Variants in IDH2 observed in about 807,000 individuals in gnomAD.
IDH2 encodes isocitrate dehydrogenase (NADP(+)) 2, also known as isocitrate dehydrogenase [NADP], mitochondrial.
A neutral mutation model predicts 50.5 loss-of-function variants in IDH2; 18 were observed. The observed-to-expected ratio is 0.36, with a 90% confidence interval of 0.25 to 0.53. The LOEUF (loss-of-function observed/expected upper bound fraction) is 0.53, where lower values mean the gene tolerates loss of function less well. IDH2 is among the 20% of genes least tolerant of loss of function. The pLI is 0.92. For synonymous variants in IDH2, 280 were observed against 239.8 expected (o/e 1.17, Z -1.55); for missense variants, 518 against 610.7 (o/e 0.85, Z 1.60).
chr15:90,102,307 G>C lies in IDH2; in HGVS notation c.84C>G (p.Ala28=). The change falls in exon 1 of 11, where the codon GCC becomes GCG. Residue 28 remains alanine (A), a synonymous_variant. Coordinates refer to ENST00000330062, the MANE Select transcript of IDH2 (RefSeq NM_002168.4). ...RPAWAPAALT[A]PTSQEQPRRH... ...GCCGCGGCTGCTCTTGCGAGGTGGG[G>C]GCTGTCAGGGCCGCCGGCGCCCAGG... The C allele has an allele frequency of 7.4e-7, 1 of 1,354,950 alleles. No individual in the cohort carries two copies. Among genetic ancestry groups the C allele is most frequent in the Non-Finnish European group, 9.6e-7 (1 of 1,042,768 alleles). 83.9% of individuals were successfully genotyped at this position (1,354,950 alleles called of 1,614,324 possible).
chr15:90,095,148 G>C (rs1431570884), intron 1 of IDH2, among the ~76,000 whole-genome samples: 1 of 151,806 alleles, frequency 6.6e-6, no homozygotes, highest in Admixed American at 6.6e-5. Flanking sequence ...GTCTGCATCA[G>C]AGGCAAGATA....
In IDH2 at chr15:90,087,130, A is replaced by G; in HGVS notation, c.949T>C (p.Ser317Pro). The change falls in exon 7 of 11, where the codon TCA (serine) becomes CCA (proline). Residue 317 changes from serine to proline, a missense_variant. Around this residue, in one of 5 missense-constraint regions of IDH2, gnomAD observed 23 missense variants for 57.9 expected, o/e 0.40. Transcript: ENST00000330062. ...ACKNYDGDVQ[S>P]DILAQGFGSL... ...AGCGTACCCTGGGCCAGGATGTCTG[A>G]CTGCACATCTCCGTCATAGTTCTTG... 1 of 1,614,166 alleles carries G rather than the reference A, an allele frequency of 6.2e-7. No individual in the cohort carries two copies. Among genetic ancestry groups the G allele is most frequent in the Non-Finnish European group, 8.5e-7 (1 of 1,180,026 alleles).
At chr15:90,089,467 A>G (rs1376119010) in intron 3 of IDH2, among the ~76,000 whole-genome samples, 1 of 152,042 alleles carries the variant, frequency 6.6e-6, no homozygotes, top group Non-Finnish European at 1.5e-5. Context: ...CCCACTCCAC[A>G]TGCTCCGGTC....
Position 90,098,531 on chromosome 15 carries a change from C to CATGTATGTATGCATGCATGT in IDH2, c.115+3744_115+3745insACATGCATGCATACATACAT, listed in dbSNP as rs1555462243. On this transcript the variant is annotated intron_variant, in intron 1 of 10. Transcript: ENST00000330062. The surrounding 1 kb of genome is among the most constrained non-coding windows in gnomAD (Gnocchi z 5.1). ...GTATGTATGTATGTATGTATGCATGCATGTATGTATGTATGTATGTATGTA... is the reference window on the plus strand; with the variant it reads ...GTATGTATGTATGTATGTATGCATGCATGTATGTATGCATGCATGTATGTATGTATGTATGTATGTATGTA... Among the ~76,000 whole-genome samples the CATGTATGTATGCATGCATGT allele has an allele frequency of 5.7e-4, 79 of 138,466 alleles. 1 individual carries two copies. Among genetic ancestry groups the CATGTATGTATGCATGCATGT allele is most frequent in the Middle Eastern group, 3.5e-3 (1 of 286 alleles). 90.8% of individuals were successfully genotyped at this position (138,466 alleles called of 152,430 possible).
chr15:90,086,217 G>A (rs1358912919), intron 7 of IDH2, among the ~76,000 whole-genome samples: 2 of 152,060 alleles, frequency 1.3e-5, no homozygotes, highest in Admixed American at 6.6e-5. Context: ...ATCAGAACCC[G>A]TCCTGGGCTT....
chr15:90,086,858 G>T (rs982538399), intron 7 of IDH2, among the ~76,000 whole-genome samples: 8 of 152,230 alleles, frequency 5.3e-5, no homozygotes, highest in African/African-American at 9.6e-5. Flanking sequence ...CAACCTTAGG[G>T]CTGTCAACCT....
chr15:90,096,893 G>A (rs926439735), intron 1 of IDH2, among the ~76,000 whole-genome samples: 5 of 151,330 alleles, frequency 3.3e-5, no homozygotes, highest in Non-Finnish European at 7.4e-5. Flanking sequence ...CAGCATGGGC[G>A]AAAGAGAGCA....
intron 3 of IDH2, among the ~76,000 whole-genome samples, chr15:90,089,604 T>C (rs1386531666): frequency 3.9e-5 from 6 of 152,212 alleles, no homozygotes; most frequent in African/African-American, 1.4e-4. Context: ...CCCAGTGCTG[T>C]GGGTCAGGCA....
chr15:90,096,650 C>A (rs753118154), intron 1 of IDH2, among the ~76,000 whole-genome samples: 2 of 152,114 alleles, frequency 1.3e-5, no homozygotes, highest in African/African-American at 4.8e-5. Context: ...CACGGTGGCT[C>A]GCACCTGTAA....
In IDH2 at chr15:90,084,666, G is replaced by C. The variant is rs1216249281; in HGVS notation, c.1271+150C>G. 6.7e-6 allele frequency: 5 copies of C among 744,880 alleles called. No individual in the cohort carries two copies. In the Admixed American group the frequency reaches 9.6e-5, roughly 14 times the overall value. The allele number at this position is 744,880 out of a possible 1,614,324, so 46.1% of individuals were successfully genotyped here. On this transcript the variant is annotated intron_variant, in intron 10 of 10. Transcript: ENST00000330062. This position sits in a 1 kb window ranked among gnomAD's most constrained non-coding sequence, Gnocchi z 5.0. ...GAACTCACTAGACCTGGTCTACAGA[G>C]GCTGGCCTGAGCAGTCTCTCAGGGC...
Position 90,098,317 on chromosome 15 carries a change from C to T in IDH2, c.115+3959G>A, listed in dbSNP as rs528974029. 6.6e-6 allele frequency among the ~76,000 whole-genome samples: 1 copy of T among 152,276 alleles called. No homozygotes were observed. Among genetic ancestry groups the T allele is most frequent in the Non-Finnish European group, 1.5e-5 (1 of 68,024 alleles). ...ACACATCCCTGGCTTCTTGCTGCTC[C>T]CAGCAGGAGGCTAGAGGTCCAGCCG... On this transcript the variant is annotated intron_variant, in intron 1 of 10. Transcript: ENST00000330062. The surrounding 1 kb of genome is among the most constrained non-coding windows in gnomAD (Gnocchi z 5.1).
chr15:90,084,255 G>A lies in IDH2; in HGVS notation c.*11C>T, dbSNP rs1191885000. On this transcript the variant is annotated 3_prime_UTR_variant, in exon 11 of 11. Coordinates refer to ENST00000330062, the MANE Select transcript of IDH2 (RefSeq NM_002168.4). This position sits in a 1 kb window ranked among gnomAD's most constrained non-coding sequence, Gnocchi z 5.0. ...TGGCCCCTCCACTGCAGCCATGGGT[G>A]GCGCCTCCCCCTACTGCCTGCCCAG... The A allele has an allele frequency of 1.9e-6, 3 of 1,612,582 alleles. No homozygotes were observed. In the Admixed American group the frequency reaches 5.0e-5, roughly 27 times the overall value.
chr15:90,084,320 C>T lies in IDH2; in HGVS notation c.1305G>A (p.Thr435=), dbSNP rs764864079. ...TGCTCTTGATGGTGTCGAGGAAGTC[C>T]GTGGTGTTCAGGAAGTGCTCGTTCA... The part of the protein sequence containing the change: ...VKLNEHFLNT[T]DFLDTIKSNL... Residue 435 remains threonine, a synonymous_variant, in exon 11 of 11, where the codon ACG becomes ACA. Transcript: ENST00000330062. The surrounding 1 kb of genome is among the most constrained non-coding windows in gnomAD (Gnocchi z 5.0). 12 of 1,614,098 alleles carry T rather than the reference C, an allele frequency of 7.4e-6. No individual in the cohort carries two copies. Among genetic ancestry groups the T allele is most frequent in the Admixed American group, 3.3e-5 (2 of 60,020 alleles).
intron 1 of IDH2, 144 bp from the exon 2 acceptor site, chr15:90,091,788 A>G (rs1901046033): frequency 2.7e-6 from 2 of 735,240 alleles, no homozygotes; most frequent in Non-Finnish European, 4.9e-6. Flanking sequence ...CCCGTCTGCA[A>G]ATCAGCTCCC....
chr15:90,085,454 G>T lies in IDH2; in HGVS notation c.968-67C>A. 1 of 1,106,590 alleles carries T rather than the reference G, an allele frequency of 9.0e-7. No individual in the cohort carries two copies. Among genetic ancestry groups the T allele is most frequent in the Non-Finnish European group, 1.3e-6 (1 of 745,332 alleles). 68.5% of individuals were successfully genotyped at this position (1,106,590 alleles called of 1,614,324 possible). A position where few individuals can be genotyped will look rare whatever the true frequency, so the allele number is the denominator to read the frequency against. The stretch of plus-strand genomic sequence containing the variant: ...TGGGGCCACCCAGCTGAGCCCTGCT[G>T]CCCTCTACAACCCAATATTGTAGCT... On this transcript the variant is annotated intron_variant, in intron 7 of 10. Transcript: ENST00000330062. The surrounding 1 kb of genome is among the most constrained non-coding windows in gnomAD (Gnocchi z 5.5).
Position 90,090,587 on chromosome 15 carries a change from G to A in IDH2, c.265C>T (p.Arg89Cys), listed in dbSNP as rs997901344. 3.7e-6 allele frequency: 6 copies of A among 1,614,092 alleles called. No individual in the cohort carries two copies. Among genetic ancestry groups the A allele is most frequent in the Middle Eastern group, 1.6e-4 (1 of 6,082 alleles). The change falls in exon 3 of 11, where the codon CGT becomes TGT. Residue 89 changes from arginine to cysteine, a missense_variant. Arg to Cys is a radical substitution (Grantham distance 180, BLOSUM62 -3). Around this residue, in one of 5 missense-constraint regions of IDH2, gnomAD observed 68 missense variants for 109.7 expected, o/e 0.62. Transcript: ENST00000330062. ...GTGACCTGGTCATCAGTCTGGTCAC[G>A]GTTTGGGAGCCCGAGGTCAAAATAC... is the stretch of plus-strand genomic sequence containing the variant. ...LKYFDLGLPNRDQTDDQVTID... is the reference protein window; with the variant it reads ...LKYFDLGLPNCDQTDDQVTID...
chr15:90,092,460 C>A (rs574470283), intron 1 of IDH2, among the ~76,000 whole-genome samples: 1 of 151,530 alleles, frequency 6.6e-6, no homozygotes, highest in Non-Finnish European at 1.5e-5. Context: ...GGCTGGAATG[C>A]ACTGATGCCA....
At chr15:90,096,350 C>G (rs542933070) in intron 1 of IDH2, among the ~76,000 whole-genome samples, 16 of 152,076 alleles carry the variant, frequency 1.1e-4, no homozygotes, top group Non-Finnish European at 2.2e-4. Context: ...CATTTCAAGT[C>G]CAAAGATGAT....
intron 7 of IDH2, among the ~76,000 whole-genome samples, chr15:90,086,787 C>G (rs2151547783): frequency 6.6e-6 from 1 of 152,224 alleles, no homozygotes; most frequent in South Asian, 2.1e-4. Flanking sequence ...ACCTCCAGTC[C>G]CGCTTGATCC....
Sources: allele counts gnomAD v4.1 joint callset (sites outside exome capture counted in the v4.1 genomes callset), GRCh38; gene constraint gnomAD v4.1.1; regional missense constraint gnomAD v4.1.1; non-coding constraint Gnocchi (gnomAD v3.1); transcripts MANE v1.5; gene names NCBI Gene and HGNC (gene_info 2026-07-23, HGNC 2026-07-21).